The following PHF21A variants were observed in gnomAD, a reference collection of about 807,000 sequenced individuals.
PHF21A encodes the protein BHC80a.
In PHF21A, 11 loss-of-function variants were observed where a neutral mutation model predicts 82.5. That is an observed-to-expected ratio of 0.13 (90% CI 0.08 to 0.22). PHF21A has a LOEUF of 0.22. Among genes scored for constraint, PHF21A ranks in the 10% least tolerant of loss-of-function variants. The pLI, the probability that PHF21A is intolerant of heterozygous loss-of-function variation, is 1.00. For missense variants in PHF21A, 579 were observed against 837.8 expected (o/e 0.69, Z 3.81); for synonymous variants, 297 against 302.8 (o/e 0.98, Z 0.20).
chr11:45,991,790 G>T (rs1224159023), intron 6 of PHF21A, among the ~76,000 whole-genome samples: 2 of 152,050 alleles, frequency 1.3e-5, no homozygotes, highest in East Asian at 1.9e-4. Flanking sequence ...TCTCTGAATG[G>T]CAAGAATACA....
intron 6 of PHF21A, among the ~76,000 whole-genome samples, chr11:46,019,231 T>C (rs906314580): frequency 1.4e-4 from 21 of 152,164 alleles, no homozygotes; most frequent in African/African-American, 4.1e-4. Context: ...TTCTAGAAGA[T>C]AGGGGAAAAG....
At chr11:45,952,951 T>C (rs1187952469) in intron 11 of PHF21A, among the ~76,000 whole-genome samples, 1 of 152,272 alleles carries the variant, frequency 6.6e-6, no homozygotes, top group Non-Finnish European at 1.5e-5. Context: ...GGGTCTTCTT[T>C]GCTATTTATG....
chr11:46,018,249 CAAA>C (rs772133757), intron 6 of PHF21A, among the ~76,000 whole-genome samples: 6 of 76,226 alleles, frequency 7.9e-5, no homozygotes, highest in Non-Finnish European at 1.1e-4. Flanking sequence ...GACTCCGTCT[CAAA>C]AAAAAAAAAA....
At chr11:46,020,909 T>C (rs1191325626) in intron 6 of PHF21A, among the ~76,000 whole-genome samples, 1 of 152,176 alleles carries the variant, frequency 6.6e-6, no homozygotes, top group Non-Finnish European at 1.5e-5. Context: ...GATAATTCCA[T>C]CTGAAAAATC....
At chr11:45,998,820 T>A (rs1264463314) in intron 6 of PHF21A, among the ~76,000 whole-genome samples, 1 of 113,826 alleles carries the variant, frequency 8.8e-6, no homozygotes, top group Non-Finnish European at 1.7e-5. Context: ...ACACCCGGCC[T>A]TTTTTTGTTT....
intron 10 of PHF21A, among the ~76,000 whole-genome samples, chr11:45,957,762 AAAAAAAAG>A (rs2092769635): frequency 1.3e-5 from 2 of 150,456 alleles, no homozygotes; most frequent in African/African-American, 4.8e-5. Flanking sequence ...AAAAAAAAAA[AAAAAAAAG>A]AAAAAAGAAA....
In PHF21A at chr11:46,076,652, T is replaced by C. The variant is rs2096729194; in HGVS notation, c.153+102A>G. 4.5e-6 allele frequency: 4 copies of C among 895,262 alleles called. No individual in the cohort carries two copies. The Admixed American group carries it at 9.0e-5, about 20-fold the overall frequency. The allele number at this position is 895,262 out of a possible 1,614,324, so 55.5% of individuals were successfully genotyped here. On this transcript the variant is annotated intron_variant, in intron 6 of 18. Transcript: ENST00000676320. ...AACCAAGTCTGGCTGCCCACACTTA[T>C]TTTCACACATGAGGAAAAATAGCAG... is the stretch of plus-strand genomic sequence containing the variant.
chr11:46,112,931 T>C (rs969548597), intron 1 of PHF21A, among the ~76,000 whole-genome samples: 2 of 148,062 alleles, frequency 1.4e-5, no homozygotes, highest in Non-Finnish European at 2.9e-5. Context: ...AACCTTATAG[T>C]AGCTGATAAA....
intron 6 of PHF21A, among the ~76,000 whole-genome samples, chr11:46,024,737 T>G (rs1404109823): frequency 6.6e-6 from 1 of 152,066 alleles, no homozygotes; most frequent in Non-Finnish European, 1.5e-5. Context: ...GAGGTGAAGG[T>G]TGCAGTGAGC....
At chr11:45,967,605 T>C (rs1009487466) in intron 9 of PHF21A, among the ~76,000 whole-genome samples, 18 of 152,210 alleles carry the variant, frequency 1.2e-4, no homozygotes, top group African/African-American at 4.3e-4. Context: ...TCCTTACACC[T>C]GAGCTATCCT....
At chr11:46,098,020 C>G (rs1267961210) in intron 1 of PHF21A, among the ~76,000 whole-genome samples, 1 of 152,110 alleles carries the variant, frequency 6.6e-6, no homozygotes, top group Non-Finnish European at 1.5e-5. Context: ...TAATAGGGAG[C>G]CAGGATTAGA....
chr11:46,001,879 C>T (rs1325229949), intron 6 of PHF21A, among the ~76,000 whole-genome samples: 1 of 152,094 alleles, frequency 6.6e-6, no homozygotes, highest in Admixed American at 6.6e-5. Context: ...GGCCATAATA[C>T]AAGATACTTA....
intron 10 of PHF21A, among the ~76,000 whole-genome samples, chr11:45,954,187 G>C (rs1295474754): frequency 2.0e-5 from 3 of 152,048 alleles, no homozygotes; most frequent in African/African-American, 7.3e-5. Flanking sequence ...AGTAGAGACG[G>C]GGTTTCACCA....
intron 1 of PHF21A, chr11:46,117,109 T>C (rs973609358): frequency 1.3e-5 from 2 of 152,274 alleles, no homozygotes; most frequent in Non-Finnish European, 2.9e-5. Flanking sequence ...AACAACTTAA[T>C]ATCTGCATGC....
chr11:46,108,304 T>C (rs941328159), intron 1 of PHF21A, among the ~76,000 whole-genome samples: 1 of 152,066 alleles, frequency 6.6e-6, no homozygotes, highest in Non-Finnish European at 1.5e-5. Flanking sequence ...GAAAACAATG[T>C]TGTCATTTTA....
intron 6 of PHF21A, among the ~76,000 whole-genome samples, chr11:45,985,085 G>A (rs75875668): frequency 0.019 from 2,846 of 152,104 alleles, 73 homozygotes; most frequent in African/African-American, 0.062. Context: ...ATGAAACCAA[G>A]GATACTAAAT....
chr11:45,954,209 CT>C (rs778126590), intron 10 of PHF21A, among the ~76,000 whole-genome samples: 52 of 152,216 alleles, frequency 3.4e-4, no homozygotes, highest in Non-Finnish European at 6.2e-4. Context: ...GTTGGTCAGG[CT>C]GGTCTTGAAC....
intron 6 of PHF21A, among the ~76,000 whole-genome samples, chr11:46,015,445 G>T (rs1412930603): frequency 6.6e-6 from 1 of 151,670 alleles, no homozygotes. Flanking sequence ...GTATTTCCAA[G>T]GTTTTCTTCT....
chr11:45,990,288 T>C (rs2094645577), intron 6 of PHF21A, among the ~76,000 whole-genome samples: 1 of 117,432 alleles, frequency 8.5e-6, no homozygotes, highest in Non-Finnish European at 1.7e-5. Context: ...AAACAGGATC[T>C]CACTCTGTCC....
Sources: allele counts gnomAD v4.1 joint callset (sites outside exome capture counted in the v4.1 genomes callset), GRCh38; gene constraint gnomAD v4.1.1; transcripts MANE v1.5; gene names NCBI Gene and HGNC (gene_info 2026-07-23, HGNC 2026-07-21).